Variants in PPTC7 observed in about 807,000 individuals in gnomAD.
PPTC7 encodes protein phosphatase PTC7 homolog.
Under a neutral mutation model 30.8 loss-of-function variants are expected in PPTC7, and 6 were observed. That is an observed-to-expected ratio of 0.19 (90% CI 0.11 to 0.38). PPTC7 has a LOEUF of 0.38. Ranked by LOEUF, PPTC7 falls within the 10% of genes least tolerant of loss-of-function variation. The pLI is 1.00. For missense variants in PPTC7, 218 were observed against 404.8 expected (o/e 0.54, Z 3.96); for synonymous variants, 163 against 168.1 (o/e 0.97, Z 0.23).
At chr12:110,575,746 C>T (rs143420595) in intron 1 of PPTC7, among the ~76,000 whole-genome samples, 2 of 151,346 alleles carry the variant, frequency 1.3e-5, no homozygotes, top group African/African-American at 4.9e-5. Flanking sequence ...AGGATTCAAC[C>T]AGAATCCTTT....
intron 1 of PPTC7, among the ~76,000 whole-genome samples, chr12:110,578,325 G>C (rs561634803): frequency 1.1e-4 from 16 of 152,248 alleles, no homozygotes; most frequent in African/African-American, 2.2e-4. Context: ...CTCAGAATTA[G>C]CCACAGGGAA....
At chr12:110,578,068 T>G (rs2064604315) in intron 1 of PPTC7, among the ~76,000 whole-genome samples, 1 of 152,130 alleles carries the variant, frequency 6.6e-6, no homozygotes, top group Non-Finnish European at 1.5e-5. Flanking sequence ...GAGATAGGTG[T>G]CAGCCTCAGT....
rs370529571 is a variant in PPTC7, at chr12:110,534,630, AAAG to A, written c.*2404_*2406del. The stretch of plus-strand genomic sequence containing the variant: ...TCATAAAATTAAGTGCATAACACAA[AAAG>A]AACAGGGGAAAATAGAGAAAATATT... On this transcript the variant is annotated 3_prime_UTR_variant, in exon 6 of 6. Transcript: ENST00000354300. The A allele has an allele frequency of 3.8e-4, 58 of 152,334 alleles. No individual in the cohort carries two copies. In the East Asian group the frequency reaches 0.011, roughly 29 times the overall value. The allele number at this position is 152,334 out of a possible 1,614,324, so 9.4% of individuals were successfully genotyped here.
intron 2 of PPTC7, among the ~76,000 whole-genome samples, chr12:110,550,022 A>C (rs2064338086): frequency 6.6e-6 from 1 of 152,184 alleles, no homozygotes; most frequent in Admixed American, 6.5e-5. Flanking sequence ...GCATGTCCAA[A>C]ACAGGGAATT....
intron 1 of PPTC7, among the ~76,000 whole-genome samples, chr12:110,557,469 G>A (rs1438426237): frequency 6.6e-6 from 1 of 151,944 alleles, no homozygotes; most frequent in Non-Finnish European, 1.5e-5. Flanking sequence ...TGTAGAAACA[G>A]GGTCTCACTA....
At chr12:110,565,059 A>G (rs2064471364) in intron 1 of PPTC7, among the ~76,000 whole-genome samples, 1 of 151,020 alleles carries the variant, frequency 6.6e-6, no homozygotes, top group Admixed American at 6.6e-5. Flanking sequence ...AATTTTTAGT[A>G]GAGACGGGGT....
At chr12:110,545,326 C>T (rs953783328) in intron 3 of PPTC7, among the ~76,000 whole-genome samples, 1 of 152,196 alleles carries the variant, frequency 6.6e-6, no homozygotes, top group African/African-American at 2.4e-5. Context: ...CTCCTGGCCT[C>T]AAGTGATCCA....
chr12:110,566,013 G>A (rs1036810562), intron 1 of PPTC7, among the ~76,000 whole-genome samples: 12 of 152,180 alleles, frequency 7.9e-5, no homozygotes, highest in African/African-American at 2.9e-4. Context: ...CTAGGATTCT[G>A]ACTTACATGA....
chr12:110,563,688 G>A (rs746710587), intron 1 of PPTC7, among the ~76,000 whole-genome samples: 22 of 151,952 alleles, frequency 1.4e-4, no homozygotes, highest in East Asian at 5.8e-4. Flanking sequence ...TGTAGTAAGC[G>A]GTTCATTTTG....
chr12:110,551,283 G>A (rs566215020), intron 2 of PPTC7, among the ~76,000 whole-genome samples: 3 of 152,176 alleles, frequency 2.0e-5, no homozygotes, highest in East Asian at 3.9e-4. Flanking sequence ...ATTGTTTTCC[G>A]AAGTGGCTGT....
intron 2 of PPTC7, among the ~76,000 whole-genome samples, chr12:110,551,415 G>A (rs1266756633): frequency 5.3e-5 from 8 of 152,106 alleles, no homozygotes; most frequent in African/African-American, 9.7e-5. Flanking sequence ...GCGCCATCTC[G>A]GCACACCGCA....
intron 1 of PPTC7, among the ~76,000 whole-genome samples, chr12:110,553,559 A>C (rs1005075933): frequency 6.6e-6 from 1 of 152,088 alleles, no homozygotes; most frequent in Non-Finnish European, 1.5e-5. Context: ...TGGGAGAATC[A>C]CTTGGGCTCA....
At chr12:110,541,801 C>G (rs1183579568) in intron 3 of PPTC7, among the ~76,000 whole-genome samples, 2 of 151,664 alleles carry the variant, frequency 1.3e-5, no homozygotes, top group Non-Finnish European at 2.9e-5. Flanking sequence ...AAGTGGTCAT[C>G]ATACGTAGGT....
At chr12:110,570,090 G>A (rs1426432227) in intron 1 of PPTC7, among the ~76,000 whole-genome samples, 4 of 152,106 alleles carry the variant, frequency 2.6e-5, no homozygotes, top group Non-Finnish European at 5.9e-5. Context: ...GTAGAAAGAA[G>A]TAGACATGGG....
rs1010141097 is a variant in PPTC7, at chr12:110,583,072, G to A, written c.-41C>T. ...CCCGAGGAGGCGGGGGGCCGGGGGAGCAGGAGGACGCGGAGGCCCGGAGCC... is the reference window on the plus strand; with the variant it reads ...CCCGAGGAGGCGGGGGGCCGGGGGAACAGGAGGACGCGGAGGCCCGGAGCC... On this transcript the variant is annotated 5_prime_UTR_variant, in exon 1 of 6. Coordinates refer to ENST00000354300, the MANE Select transcript of PPTC7 (RefSeq NM_139283.2). The A allele has an allele frequency of 7.5e-7, 1 of 1,340,604 alleles. No individual in the cohort carries two copies. Among genetic ancestry groups the A allele is most frequent in the Non-Finnish European group, 9.5e-7 (1 of 1,052,204 alleles). The allele number at this position is 1,340,604 out of a possible 1,614,324, so 83.0% of individuals were successfully genotyped here. A position where few individuals can be genotyped will look rare whatever the true frequency, so the allele number is the denominator to read the frequency against.
At chr12:110,556,463 A>G (rs981001971) in intron 1 of PPTC7, among the ~76,000 whole-genome samples, 4 of 152,232 alleles carry the variant, frequency 2.6e-5, no homozygotes, top group Non-Finnish European at 4.4e-5. Flanking sequence ...TTGTTTCTAC[A>G]CAGAAATTAA....
At chr12:110,546,110 T>C (rs1267097116) in intron 2 of PPTC7, 32 bp from the exon 3 acceptor site, 5 of 1,588,822 alleles carry the variant, frequency 3.1e-6, no homozygotes, top group Non-Finnish European at 4.3e-6. Flanking sequence ...ATTTATTTTT[T>C]CTTCCTAGGC....
At chr12:110,544,174 A>G (rs2064286987) in intron 3 of PPTC7, among the ~76,000 whole-genome samples, 1 of 152,208 alleles carries the variant, frequency 6.6e-6, no homozygotes, top group South Asian at 2.1e-4. Flanking sequence ...CCATAATTGG[A>G]AGAATATTTA....
intron 1 of PPTC7, among the ~76,000 whole-genome samples, chr12:110,573,981 C>CTAAATAAATAAA (rs542793137): frequency 6.7e-6 from 1 of 149,846 alleles, no homozygotes; most frequent in African/African-American, 2.5e-5. Context: ...AACTCTGTCT[C>CTAAATAAATAAA]TAAATAAATA....
Sources: gnomAD v4.1 joint callset for allele counts (sites outside exome capture counted in the v4.1 genomes callset) on GRCh38, gnomAD v4.1.1 for gene constraint, MANE v1.5 for transcripts, NCBI Gene and HGNC (gene_info 2026-07-23, HGNC 2026-07-21) for gene names.